The following IL1RAPL1 variants were observed in gnomAD, a reference collection of about 807,000 sequenced individuals.
The protein encoded by IL1RAPL1 is interleukin 1 receptor accessory protein like 1.
IL1RAPL1 carries 3 observed loss-of-function variants against 48.4 expected under a neutral mutation model. That is an observed-to-expected ratio of 0.06 (90% CI 0.03 to 0.16). IL1RAPL1 has a LOEUF of 0.16. Among genes scored for constraint, IL1RAPL1 ranks in the 10% least tolerant of loss-of-function variants. The probability of loss-of-function intolerance (pLI) is 1.00; values close to 1 mark genes in which losing one functional copy is unlikely to be tolerated. For synonymous variants in IL1RAPL1, 185 were observed against 187.7 expected (o/e 0.99, Z 0.12); for missense variants, 349 against 530.6 (o/e 0.66, Z 3.36).
chrX:29,194,293 AGTAAAAGCTAGTACCTCT>A (rs1187643890), intron 2 of IL1RAPL1, among the ~76,000 whole-genome samples: 9 of 112,616 alleles, frequency 8.0e-5, no homozygotes, highest in Non-Finnish European at 1.5e-4. Context: ...TGGCATTGTT[AGTAAAAGCTAGTACCTCT>A]GTTTTTATAG....
At chrX:29,815,769 A>T (rs1044866945) in intron 6 of IL1RAPL1, among the ~76,000 whole-genome samples, 2 of 110,909 alleles carry the variant, frequency 1.8e-5, no homozygotes, top group African/African-American at 6.6e-5. Flanking sequence ...TAGTTTGTTG[A>T]GGCTTTTTAT....
At chrX:29,679,604 C>T (rs1335616078) in intron 6 of IL1RAPL1, among the ~76,000 whole-genome samples, 1 of 111,670 alleles carries the variant, frequency 9.0e-6, no homozygotes, top group Non-Finnish European at 1.9e-5. Context: ...AAATCAGGTT[C>T]ACCATATTCA....
chrX:28,995,723 C>T (rs1007579415), intron 2 of IL1RAPL1, among the ~76,000 whole-genome samples: 9 of 110,988 alleles, frequency 8.1e-5, no homozygotes, highest in Non-Finnish European at 1.3e-4. Flanking sequence ...TGTCTTTCTA[C>T]TTTGATCTTC....
At chrX:29,341,979 T>C (rs1307530064) in intron 3 of IL1RAPL1, among the ~76,000 whole-genome samples, 1 of 109,886 alleles carries the variant, frequency 9.1e-6, no homozygotes, top group Admixed American at 9.8e-5. Context: ...CGGCTAATTT[T>C]TATATTTTTA....
At chrX:29,193,030 A>G (rs779065680) in intron 2 of IL1RAPL1, among the ~76,000 whole-genome samples, 39 of 111,125 alleles carry the variant, frequency 3.5e-4, no homozygotes, top group Non-Finnish European at 6.8e-4. Flanking sequence ...TATTTACATT[A>G]TAGGATTTTT....
At chrX:29,328,327 T>C (rs887265446) in intron 3 of IL1RAPL1, among the ~76,000 whole-genome samples, 1 of 111,092 alleles carries the variant, frequency 9.0e-6, no homozygotes, top group Non-Finnish European at 1.9e-5. Flanking sequence ...GAGTGGTAAA[T>C]AAAAGGATCA....
At chrX:28,722,857 G>T (rs1025446677) in intron 1 of IL1RAPL1, among the ~76,000 whole-genome samples, 7 of 111,559 alleles carry the variant, frequency 6.3e-5, no homozygotes, top group Admixed American at 9.6e-5. Context: ...AAATCATGTC[G>T]TTTTTGTCTT....
chrX:29,335,705 A>G (rs1306477235), intron 3 of IL1RAPL1, among the ~76,000 whole-genome samples: 1 of 111,505 alleles, frequency 9.0e-6, no homozygotes, highest in Non-Finnish European at 1.9e-5. Context: ...GACTGTACAT[A>G]TCATTCTAAA....
chrX:29,207,309 A>G (rs1253539218), intron 2 of IL1RAPL1, among the ~76,000 whole-genome samples: 1 of 112,107 alleles, frequency 8.9e-6, no homozygotes, highest in Non-Finnish European at 1.9e-5. Flanking sequence ...AAGAACAAAC[A>G]TACTTTACAT....
chrX:29,562,372 G>A (rs1019525501), intron 5 of IL1RAPL1, among the ~76,000 whole-genome samples: 13 of 110,438 alleles, frequency 1.2e-4, no homozygotes, highest in African/African-American at 4.3e-4. Flanking sequence ...GACATAGAGG[G>A]TACTCTGGCA....
intron 2 of IL1RAPL1, among the ~76,000 whole-genome samples, chrX:29,093,107 A>T (rs776850501): frequency 4.5e-4 from 50 of 112,138 alleles, no homozygotes; most frequent in Non-Finnish European, 3.8e-4. Context: ...GCCAAACAAG[A>T]TCAATCAGGT....
intron 2 of IL1RAPL1, among the ~76,000 whole-genome samples, chrX:29,208,708 A>AAAT (rs1199838563): frequency 0.017 from 1,753 of 100,862 alleles, 26 homozygotes; most frequent in Non-Finnish European, 0.023. Flanking sequence ...AAGATTCCAA[A>AAAT]AATAATAATA....
At chrX:29,702,917 C>G (rs1601786701) in intron 6 of IL1RAPL1, among the ~76,000 whole-genome samples, 1 of 112,294 alleles carries the variant, frequency 8.9e-6, no homozygotes, top group Non-Finnish European at 1.9e-5. Context: ...CATTACTAAA[C>G]TAAATGCTCA....
At chrX:29,521,619 G>T (rs999328174) in intron 5 of IL1RAPL1, among the ~76,000 whole-genome samples, 46 of 112,077 alleles carry the variant, frequency 4.1e-4, no homozygotes, top group African/African-American at 1.4e-3. Context: ...TAGCAGAAAA[G>T]GTGTGCACCA....
intron 2 of IL1RAPL1, among the ~76,000 whole-genome samples, chrX:29,060,303 C>T (rs978489683): frequency 2.7e-5 from 3 of 111,642 alleles, no homozygotes; most frequent in African/African-American, 9.7e-5. Flanking sequence ...CATTTTAGGG[C>T]TGATTCTTAC....
chrX:29,107,884 T>C (rs1196184926), intron 2 of IL1RAPL1, among the ~76,000 whole-genome samples: 1 of 112,169 alleles, frequency 8.9e-6, no homozygotes, highest in Non-Finnish European at 1.9e-5. Flanking sequence ...TAATAGTCAA[T>C]TTTTGGAAGT....
chrX:28,884,188 TAAA>T (rs1922575660), intron 2 of IL1RAPL1, among the ~76,000 whole-genome samples: 1 of 111,536 alleles, frequency 9.0e-6, no homozygotes, highest in Non-Finnish European at 1.9e-5. Flanking sequence ...AAAAAATAAA[TAAA>T]TAATATGAAC....
intron 2 of IL1RAPL1, among the ~76,000 whole-genome samples, chrX:29,172,361 C>T (rs1256886669): frequency 9.0e-6 from 1 of 111,670 alleles, no homozygotes; most frequent in African/African-American, 3.3e-5. Flanking sequence ...TTTCTGGTCC[C>T]TGTTCAAGAC....
At chrX:29,119,471 C>A (rs1928739182) in intron 2 of IL1RAPL1, among the ~76,000 whole-genome samples, 1 of 111,581 alleles carries the variant, frequency 9.0e-6, no homozygotes, top group South Asian at 3.7e-4. Flanking sequence ...AAGTAAAAAG[C>A]TGAACAAATT....
Sources: gnomAD v4.1 joint callset for allele counts (sites outside exome capture counted in the v4.1 genomes callset) on GRCh38, gnomAD v4.1.1 for gene constraint, MANE v1.5 for transcripts, NCBI Gene and HGNC (gene_info 2026-07-23, HGNC 2026-07-21) for gene names.